The following TRPC5 variants were observed in gnomAD, a reference collection of about 807,000 sequenced individuals.
The protein encoded by TRPC5 is transient receptor potential cation channel subfamily C member 5, also known as short transient receptor potential channel 5.
TRPC5 carries 9 observed loss-of-function variants against 56.5 expected under a neutral mutation model. The ratio of observed to expected loss-of-function variants is 0.16; its 90% CI spans 0.10 to 0.28. The LOEUF is 0.28. TRPC5 is among the 10% of genes least tolerant of loss of function. TRPC5 has a pLI of 1.00. For synonymous variants in TRPC5, 282 were observed against 278.5 expected, an observed-to-expected ratio of 1.01 and a Z score of -0.13; for missense variants, 469 against 748.9, an observed-to-expected ratio of 0.63 and a Z score of 4.36.
chrX:111,951,891 G>C (rs1357510880), intron 2 of TRPC5, 152 bp downstream of exon 2: 2 of 841,006 alleles, frequency 2.4e-6, no homozygotes, highest in Non-Finnish European at 1.7e-6. Flanking sequence ...GGCCACGTAG[G>C]GTAGCTCCAG....
intron 2 of TRPC5, among the ~76,000 whole-genome samples, chrX:111,946,396 G>A (rs1926934765): frequency 8.9e-6 from 1 of 111,828 alleles, no homozygotes; most frequent in Non-Finnish European, 1.9e-5. Context: ...TTGCACCTTA[G>A]TGTAAGTTTG....
chrX:111,776,275 T>A lies in TRPC5; in HGVS notation c.*38A>T. On this transcript the variant is annotated 3_prime_UTR_variant, in exon 11 of 11. Transcript: ENST00000262839. ...CCTCTGAGAGCAAGGAAATTACAGA[T>A]TTCTGTTGAGTTCCAGAACAGATGA... The A allele has an allele frequency of 9.1e-7, 1 of 1,102,991 alleles. No individual in the cohort carries two copies. The highest frequency in any genetic ancestry group is 1.2e-6 in the Non-Finnish European group (1 of 836,716). The allele number at this position is 1,102,991 out of a possible 1,213,427, so 90.9% of individuals were successfully genotyped here.
At chrX:111,842,002 C>T (rs1042865418) in intron 6 of TRPC5, among the ~76,000 whole-genome samples, 11 of 106,644 alleles carry the variant, frequency 1.0e-4, no homozygotes, top group Non-Finnish European at 1.3e-4. Context: ...TGAGACACCA[C>T]GCCCAGCCTG....
Position 112,001,484 on chromosome X carries a change from G to A in TRPC5, c.-21-49043C>T, listed in dbSNP as rs956769367. On this transcript the variant is annotated intron_variant, in intron 1 of 10. Transcript: ENST00000262839. Reference sequence around the variant, plus strand: ...TGATTAAAAAGTAAGCTCAGACAAGGTGCAGGGACTCACACCTGTATTCCT... The same window carrying A: ...TGATTAAAAAGTAAGCTCAGACAAGATGCAGGGACTCACACCTGTATTCCT... 8.9e-5 allele frequency among the ~76,000 whole-genome samples: 10 copies of A among 112,266 alleles called. 1 individual carries two copies. The highest frequency in any genetic ancestry group is 8.5e-4 in the Admixed American group (9 of 10,598).
chrX:111,950,100 A>G (rs150964139), intron 2 of TRPC5, among the ~76,000 whole-genome samples: 2,167 of 111,459 alleles, frequency 0.019, 51 homozygotes, highest in African/African-American at 0.064. Flanking sequence ...CAAGGTGGGC[A>G]GATCACGAGG....
At chrX:111,840,107 T>C in intron 6 of TRPC5, among the ~76,000 whole-genome samples, 1 of 112,245 alleles carries the variant, frequency 8.9e-6, no homozygotes. Context: ...GAGGTGGAGC[T>C]TGCAGTGAGC....
At position 111,768,452 on chromosome X, in the gene TRPC5, T is replaced by C. The variant is rs1418472470; in HGVS notation, c.*7861A>G. On this transcript the variant is annotated 3_prime_UTR_variant, in exon 11 of 11. Coordinates refer to ENST00000262839, the MANE Select transcript of TRPC5 (RefSeq NM_012471.3). ...ACTCCCATCCCTAATTTCAACCCCA[T>C]TTTTGAGAAATATGGAATAAATAGA... Among the ~76,000 whole-genome samples, 1 of 111,894 alleles carries C rather than the reference T, an allele frequency of 8.9e-6. No individual in the cohort carries two copies. Among genetic ancestry groups the C allele is most frequent in the Admixed American group, 9.5e-5 (1 of 10,557 alleles).
chrX:112,068,080 T>C (rs1427947213), intron 1 of TRPC5, among the ~76,000 whole-genome samples: 2 of 112,451 alleles, frequency 1.8e-5, no homozygotes, highest in Non-Finnish European at 3.8e-5. Context: ...TCATTCTAAA[T>C]GGATGCTCTT....
intron 1 of TRPC5, among the ~76,000 whole-genome samples, chrX:111,964,138 T>C (rs1927482836): frequency 8.9e-6 from 1 of 111,968 alleles, no homozygotes; most frequent in African/African-American, 3.2e-5. Flanking sequence ...AAAGAGCTGA[T>C]GGAGCTGAAA....
chrX:111,857,185 G>A (rs991280241), intron 3 of TRPC5, among the ~76,000 whole-genome samples: 33 of 112,171 alleles, frequency 2.9e-4, no homozygotes, highest in African/African-American at 1.0e-3. Flanking sequence ...CTGGGTGGAG[G>A]ATGGATTAGA....
At chrX:111,963,478 G>A (rs185194900) in intron 1 of TRPC5, among the ~76,000 whole-genome samples, 1 of 111,884 alleles carries the variant, frequency 8.9e-6, no homozygotes, top group Non-Finnish European at 1.9e-5. Flanking sequence ...AGAGAGTAGT[G>A]GTTCTCCCAG....
chrX:111,884,127 G>A (rs1924359601), intron 3 of TRPC5, among the ~76,000 whole-genome samples: 1 of 112,443 alleles, frequency 8.9e-6, no homozygotes, highest in African/African-American at 3.2e-5. Flanking sequence ...GTATAGCCAG[G>A]GCTTACATTT....
intron 7 of TRPC5, among the ~76,000 whole-genome samples, chrX:111,798,301 T>G (rs1354638689): frequency 2.7e-5 from 3 of 112,129 alleles, no homozygotes; most frequent in African/African-American, 9.7e-5. Context: ...TGTAGCCACC[T>G]CCTGTTGCCA....
intron 5 of TRPC5, 136 bp downstream of exon 5, chrX:111,852,162 G>A: frequency 1.6e-6 from 1 of 610,091 alleles, no homozygotes; most frequent in Non-Finnish European, 2.5e-6. Flanking sequence ...AAGAATGTCT[G>A]TTTATATGGT....
At chrX:111,996,250 T>G (rs1356488310) in intron 1 of TRPC5, among the ~76,000 whole-genome samples, 6 of 112,172 alleles carry the variant, frequency 5.3e-5, no homozygotes, top group Non-Finnish European at 9.4e-5. Flanking sequence ...TACCCAGTAG[T>G]CATTCAGGAG....
At chrX:111,962,323 G>T (rs986662677) in intron 1 of TRPC5, among the ~76,000 whole-genome samples, 2 of 112,284 alleles carry the variant, frequency 1.8e-5, no homozygotes, top group African/African-American at 6.5e-5. Flanking sequence ...CTCTCATATA[G>T]TCTTAAGATT....
chrX:111,963,419 G>C (rs1402210553), intron 1 of TRPC5, among the ~76,000 whole-genome samples: 3 of 112,344 alleles, frequency 2.7e-5, no homozygotes, highest in Admixed American at 1.9e-4. Context: ...CAAACAAAAA[G>C]ACAGCAGTAA....
At chrX:112,032,066 G>T (rs1317929331) in intron 1 of TRPC5, among the ~76,000 whole-genome samples, 1 of 110,869 alleles carries the variant, frequency 9.0e-6, no homozygotes, top group African/African-American at 3.3e-5. Context: ...CCAATAACCT[G>T]ATTTAAAAAT....
chrX:111,968,682 G>A (rs1831019503), intron 1 of TRPC5, among the ~76,000 whole-genome samples: 1 of 107,913 alleles, frequency 9.3e-6, no homozygotes, highest in African/African-American at 3.4e-5. Context: ...GTAGGGACAT[G>A]GATGAAACTG....
Sources: allele counts gnomAD v4.1 joint callset (sites outside exome capture counted in the v4.1 genomes callset), GRCh38; gene constraint gnomAD v4.1.1; transcripts MANE v1.5; gene names NCBI Gene and HGNC (gene_info 2026-07-23, HGNC 2026-07-21).